The following PEX7 variants were observed in gnomAD, a reference collection of about 807,000 sequenced individuals.
The protein encoded by PEX7 is peroxisomal biogenesis factor 7.
A neutral mutation model predicts 47.5 loss-of-function variants in PEX7; 34 were observed. The observed-to-expected ratio is 0.72, with a 90% confidence interval of 0.54 to 0.95. The LOEUF is 0.95. Among genes scored for constraint, PEX7 ranks in the 40% least tolerant of loss-of-function variants. PEX7 has a pLI of 0.00. For missense variants in PEX7, 394 were observed against 400.3 expected (o/e 0.98, Z 0.13); for synonymous variants, 141 against 148.8 (o/e 0.95, Z 0.38).
chr6:136,894,976 G>A (rs1347560698), intron 8 of PEX7, among the ~76,000 whole-genome samples: 1 of 152,172 alleles, frequency 6.6e-6, no homozygotes, highest in Admixed American at 6.5e-5. Context: ...TTACTTACGC[G>A]ATAGATGCAT....
chr6:136,824,483 G>A (rs1464241726), intron 1 of PEX7, among the ~76,000 whole-genome samples: 1 of 152,078 alleles, frequency 6.6e-6, no homozygotes, highest in African/African-American at 2.4e-5. Flanking sequence ...GATTACAGGC[G>A]TGAGCCACTG....
intron 5 of PEX7, among the ~76,000 whole-genome samples, chr6:136,862,630 C>T (rs1386114202): frequency 6.6e-6 from 1 of 152,176 alleles, no homozygotes; most frequent in African/African-American, 2.4e-5. Flanking sequence ...CCTGCCTTAG[C>T]CCCTTAAAGT....
rs1213263217 is a variant in PEX7, at chr6:136,866,638, C to G, written c.538C>G (p.Leu180Val). The change falls in exon 6 of 10, where the codon CTG becomes GTG. Residue 180 changes from leucine to valine, a missense_variant. Coordinates refer to ENST00000318471, the MANE Select transcript of PEX7 (RefSeq NM_000288.4). The part of the protein sequence containing the change: ...CFASASGDQT[L>V]RIWDVKAAGV... ...TTCCTTTTTACTAGGTGATCAGACT[C>G]TGAGAATATGGGATGTGAAGGCAGC... 24 of 1,613,784 alleles carry G rather than the reference C, an allele frequency of 1.5e-5. No individual in the cohort carries two copies. The highest frequency in any genetic ancestry group is 1.9e-5 in the Non-Finnish European group (22 of 1,179,882).
At chr6:136,884,389 C>T (rs545993255) in intron 8 of PEX7, among the ~76,000 whole-genome samples, 1 of 152,116 alleles carries the variant, frequency 6.6e-6, no homozygotes, top group Non-Finnish European at 1.5e-5. Context: ...ATAAGACCAA[C>T]AGTAACCTGT....
intron 5 of PEX7, among the ~76,000 whole-genome samples, chr6:136,846,598 G>A (rs1460423211): frequency 1.3e-5 from 2 of 152,030 alleles, no homozygotes; most frequent in African/African-American, 2.4e-5. Flanking sequence ...GCGGTGTTTG[G>A]TTTTCTGTCC....
At chr6:136,894,373 C>A (rs1452238260) in intron 8 of PEX7, among the ~76,000 whole-genome samples, 1 of 152,028 alleles carries the variant, frequency 6.6e-6, no homozygotes. Context: ...GGGCAGATCA[C>A]GAGGTCAGGA....
At chr6:136,847,268 C>T (rs1774622665) in intron 5 of PEX7, among the ~76,000 whole-genome samples, 2 of 152,178 alleles carry the variant, frequency 1.3e-5, no homozygotes, top group African/African-American at 4.8e-5. Context: ...GAGTAGATTG[C>T]AGAAATTTTC....
chr6:136,898,137 C>T lies in PEX7; in HGVS notation c.804-5C>T, dbSNP rs369653173. 94 of 1,554,742 alleles carry T rather than the reference C, an allele frequency of 6.0e-5. No individual in the cohort carries two copies. Among genetic ancestry groups the T allele is most frequent in the Non-Finnish European group, 7.8e-5 (88 of 1,126,094 alleles). On this transcript the variant is annotated splice_polypyrimidine_tract_variant and splice_region_variant and intron_variant, in intron 8 of 9. Transcript: ENST00000318471. ...TAAATTATTCCCTTTTATTTATCTTCACAGATTCTGGAACTTTTCAAAGCC... is the reference window on the plus strand; with the variant it reads ...TAAATTATTCCCTTTTATTTATCTTTACAGATTCTGGAACTTTTCAAAGCC...
chr6:136,870,116 T>A (rs1250337800), intron 7 of PEX7, 113 bp downstream of exon 7: 1 of 665,724 alleles, frequency 1.5e-6, no homozygotes, highest in Non-Finnish European at 2.4e-6. Flanking sequence ...AATTCTTTTT[T>A]ATATGTGTTT....
chr6:136,910,893 G>A (rs1013849799), intron 9 of PEX7, among the ~76,000 whole-genome samples: 1 of 151,994 alleles, frequency 6.6e-6, no homozygotes, highest in African/African-American at 2.4e-5. Context: ...ATCAGATAAC[G>A]AACTTCATTA....
chr6:136,875,962 T>G (rs931209988), intron 8 of PEX7, among the ~76,000 whole-genome samples: 1 of 152,188 alleles, frequency 6.6e-6, no homozygotes, highest in Non-Finnish European at 1.5e-5. Context: ...GCCCTCGCTT[T>G]CATACTGTGT....
At chr6:136,846,259 T>C in intron 5 of PEX7, 78 bp downstream of exon 5, 1 of 731,816 alleles carries the variant, frequency 1.4e-6, no homozygotes, top group East Asian at 2.6e-5. Context: ...TGGCGCTGTG[T>C]ACCTTAGCTT....
chr6:136,908,796 C>G (rs1385705623), intron 9 of PEX7, among the ~76,000 whole-genome samples: 1 of 152,140 alleles, frequency 6.6e-6, no homozygotes. Flanking sequence ...TGCCTTAAAA[C>G]TAAAACTTTC....
intron 4 of PEX7, 38 bp downstream of exon 4, chr6:136,845,730 CT>C (rs1774585357): frequency 2.5e-6 from 3 of 1,215,588 alleles, no homozygotes; most frequent in Non-Finnish European, 3.7e-6. Flanking sequence ...CGAATATTCC[CT>C]TCTCTAGAGC....
intron 8 of PEX7, among the ~76,000 whole-genome samples, chr6:136,881,319 G>C (rs1429641904): frequency 2.6e-5 from 4 of 152,112 alleles, no homozygotes; most frequent in Non-Finnish European, 4.4e-5. Context: ...CCACCAGATA[G>C]GTTAAGCAGT....
chr6:136,829,901 C>T, intron 3 of PEX7: 5 of 659,088 alleles, frequency 7.6e-6, no homozygotes, highest in Admixed American at 2.4e-5. Context: ...CGTGCCATTG[C>T]ACTCCAGCCT....
chr6:136,835,330 C>A (rs916282847), intron 3 of PEX7, among the ~76,000 whole-genome samples: 1 of 151,772 alleles, frequency 6.6e-6, no homozygotes, highest in Non-Finnish European at 1.5e-5. Context: ...CCTGTCTTGC[C>A]CAGGCTGGAG....
At chr6:136,882,175 C>CTTTTTTTTTTT (rs35653586) in intron 8 of PEX7, among the ~76,000 whole-genome samples, 40 of 104,300 alleles carry the variant, frequency 3.8e-4, no homozygotes, top group East Asian at 5.5e-4. Context: ...TCTTCTTCTT[C>CTTTTTTTTTTT]TTTTTTTTTT....
At chr6:136,892,564 A>G (rs568846775) in intron 8 of PEX7, among the ~76,000 whole-genome samples, 5 of 152,274 alleles carry the variant, frequency 3.3e-5, no homozygotes, top group South Asian at 2.1e-4. Context: ...TACCCATTGT[A>G]TATTTATTTG....
Sources: allele counts gnomAD v4.1 joint callset (sites outside exome capture counted in the v4.1 genomes callset), GRCh38; gene constraint gnomAD v4.1.1; transcripts MANE v1.5; gene names NCBI Gene and HGNC (gene_info 2026-07-23, HGNC 2026-07-21).